Variants in ADAMTSL1 observed in about 807,000 individuals in gnomAD.
The protein encoded by ADAMTSL1 is ADAMTS-like protein 1.
ADAMTSL1 carries 126 observed loss-of-function variants against 201.8 expected under a neutral mutation model. That is an observed-to-expected ratio of 0.62 (90% CI 0.54 to 0.72). ADAMTSL1 has a LOEUF of 0.72. Ranked by LOEUF, ADAMTSL1 falls within the 30% of genes least tolerant of loss-of-function variation. ADAMTSL1 has a pLI of 0.00. For synonymous variants in ADAMTSL1, 1,121 were observed against 903.4 expected (o/e 1.24, Z -4.32); for missense variants, 2,679 against 2,277.8 (o/e 1.18, Z -3.59).
intron 4 of ADAMTSL1, among the ~76,000 whole-genome samples, chr9:18,592,577 G>A (rs1823994491): frequency 6.6e-6 from 1 of 151,952 alleles, no homozygotes; most frequent in Non-Finnish European, 1.5e-5. Context: ...AAGCCTCCTT[G>A]ACTCCTTTGC....
At chr9:18,507,445 A>C (rs540475495) in intron 2 of ADAMTSL1, among the ~76,000 whole-genome samples, 1 of 152,342 alleles carries the variant, frequency 6.6e-6, no homozygotes, top group Non-Finnish European at 1.5e-5. Flanking sequence ...ATAATACCAA[A>C]TAAGTATGTT....
chr9:18,718,089 A>T, intron 14 of ADAMTSL1: 3 of 1,334,650 alleles, frequency 2.2e-6, no homozygotes, highest in South Asian at 2.3e-5. Flanking sequence ...AATTTTGTAG[A>T]AGAATCTAAG....
In ADAMTSL1 at chr9:18,545,555, G is replaced by T. The variant is rs1587519958; in HGVS notation, c.237+12263G>T. ...ATATGAACTGCTGAGAATTTTTAATGTGCAAATTAAATACAGCAGAAAAAG... is the reference window on the plus strand; with the variant it reads ...ATATGAACTGCTGAGAATTTTTAATTTGCAAATTAAATACAGCAGAAAAAG... On this transcript the variant is annotated intron_variant, in intron 3 of 28. Coordinates refer to ENST00000380548, the MANE Select transcript of ADAMTSL1 (RefSeq NM_001040272.6). Among the ~76,000 whole-genome samples the T allele has an allele frequency of 2.6e-5, 4 of 152,206 alleles. No individual in the cohort carries two copies. The East Asian group carries it at 7.7e-4, about 29-fold the overall frequency.
rs552593297 is a variant in ADAMTSL1, at chr9:18,652,030, T to C, written c.835-5609T>C. On this transcript the variant is annotated intron_variant, in intron 7 of 28. Transcript: ENST00000380548. ...GTCATTTGGAAGATAAAAGACTAGA[T>C]AGACAGTTTTGAAATAGTGATACAT... Among the ~76,000 whole-genome samples, 11 of 152,152 alleles carry C rather than the reference T, an allele frequency of 7.2e-5. No individual in the cohort carries two copies. The Middle Eastern group carries it at 0.01, about 141-fold the overall frequency.
intron 23 of ADAMTSL1, among the ~76,000 whole-genome samples, chr9:18,836,012 A>G (rs1451007182): frequency 6.6e-6 from 1 of 152,192 alleles, no homozygotes; most frequent in Non-Finnish European, 1.5e-5. Flanking sequence ...TTTCTTTTGA[A>G]TACATATCCA....
At chr9:18,495,521 TG>T (rs1822491857) in intron 1 of ADAMTSL1, among the ~76,000 whole-genome samples, 5 of 152,178 alleles carry the variant, frequency 3.3e-5, no homozygotes. Context: ...ACATTCATAA[TG>T]GGAAAGTATG....
At chr9:18,866,054 T>C (rs908027938) in intron 23 of ADAMTSL1, among the ~76,000 whole-genome samples, 2 of 147,646 alleles carry the variant, frequency 1.4e-5, no homozygotes, top group Non-Finnish European at 3.0e-5. Flanking sequence ...AATACATTAT[T>C]AGCACGTGTT....
At chr9:18,530,294 A>G (rs1564022705) in intron 2 of ADAMTSL1, among the ~76,000 whole-genome samples, 1 of 152,192 alleles carries the variant, frequency 6.6e-6, no homozygotes, top group African/African-American at 2.4e-5. Context: ...CAGGCTCCTA[A>G]TTCAGATTTG....
intron 15 of ADAMTSL1, among the ~76,000 whole-genome samples, chr9:18,734,039 T>C (rs1252120330): frequency 6.6e-6 from 1 of 152,194 alleles, no homozygotes; most frequent in African/African-American, 2.4e-5. Flanking sequence ...ATAAGTCCCG[T>C]AAATCAGGGT....
At chr9:18,839,897 G>T (rs968767717) in intron 23 of ADAMTSL1, among the ~76,000 whole-genome samples, 1 of 147,474 alleles carries the variant, frequency 6.8e-6, no homozygotes, top group Non-Finnish European at 1.5e-5. Context: ...TTTTTTTCTT[G>T]TAAATTTGTT....
At chr9:18,510,736 A>T (rs941853320) in intron 2 of ADAMTSL1, among the ~76,000 whole-genome samples, 8 of 151,902 alleles carry the variant, frequency 5.3e-5, no homozygotes, top group African/African-American at 1.9e-4. Context: ...GCTAAGTAGA[A>T]TATAATACCT....
At chr9:18,788,301 A>T (rs983092199) in intron 19 of ADAMTSL1, among the ~76,000 whole-genome samples, 1 of 152,142 alleles carries the variant, frequency 6.6e-6, no homozygotes, top group Non-Finnish European at 1.5e-5. Flanking sequence ...CTCCCGTTTG[A>T]AAGTATCTAA....
At position 18,425,980 on chromosome 9, in the gene ADAMTSL1, T is replaced by G. The variant is rs574505356; in HGVS notation, c.208-78849T>G. ...AAGATGAGACCATGAGAGAAAAATTTCCCAGAAAAGTGCCAACCCGTTTAG... is the reference window on the plus strand; with the variant it reads ...AAGATGAGACCATGAGAGAAAAATTGCCCAGAAAAGTGCCAACCCGTTTAG... On this transcript the variant is annotated intron_variant, in intron 2 of 29. Coordinates refer to the ADAMTSL1 transcript ENST00000680146. 2.0e-5 allele frequency among the ~76,000 whole-genome samples: 3 copies of G among 152,224 alleles called. No individual in the cohort carries two copies. In the South Asian group the frequency reaches 6.2e-4, roughly 32 times the overall value.
chr9:17,978,992 G>A (rs1273914595), intron 1 of ADAMTSL1, among the ~76,000 whole-genome samples: 1 of 149,258 alleles, frequency 6.7e-6, no homozygotes, highest in Non-Finnish European at 1.5e-5. Context: ...TTTTTCATGT[G>A]TCACTGCACT....
chr9:18,033,698 A>G (rs545593258), intron 1 of ADAMTSL1, among the ~76,000 whole-genome samples: 2 of 152,270 alleles, frequency 1.3e-5, no homozygotes, highest in African/African-American at 2.4e-5. Context: ...TCAGTCCACA[A>G]TTAGCTCTTG....
intron 23 of ADAMTSL1, among the ~76,000 whole-genome samples, chr9:18,876,043 G>A (rs1828128127): frequency 6.6e-6 from 1 of 151,998 alleles, no homozygotes; most frequent in Non-Finnish European, 1.5e-5. Flanking sequence ...TGTTTTGTCT[G>A]GTATAAGAAT....
intron 2 of ADAMTSL1, among the ~76,000 whole-genome samples, chr9:18,358,383 T>C (rs996408027): frequency 2.6e-5 from 4 of 152,224 alleles, no homozygotes; most frequent in African/African-American, 7.2e-5. Flanking sequence ...ATAAAATCCA[T>C]ATAACATAAA....
intron 2 of ADAMTSL1, among the ~76,000 whole-genome samples, chr9:18,339,956 C>G (rs148494277): frequency 1.6e-3 from 246 of 152,270 alleles, no homozygotes; most frequent in African/African-American, 5.6e-3. Context: ...CCTTTGCAAA[C>G]TGGATTTTCC....
chr9:17,957,643 G>T (rs996394119), intron 1 of ADAMTSL1, among the ~76,000 whole-genome samples: 1 of 152,168 alleles, frequency 6.6e-6, no homozygotes, highest in Non-Finnish European at 1.5e-5. Context: ...TGTCCACTTA[G>T]AACCTCAGAA....
Sources: gnomAD v4.1 joint callset for allele counts (sites outside exome capture counted in the v4.1 genomes callset) on GRCh38, gnomAD v4.1.1 for gene constraint, MANE v1.5 for transcripts, NCBI Gene and HGNC (gene_info 2026-07-23, HGNC 2026-07-21) for gene names.